Variants in DTNB observed in about 807,000 individuals in gnomAD.
The protein encoded by DTNB is dystrobrevin beta.
A neutral mutation model predicts 90.7 loss-of-function variants in DTNB; 63 were observed. The observed-to-expected ratio is 0.69, with a 90% CI of 0.57 to 0.86. DTNB has a LOEUF of 0.86. Ranked by LOEUF, DTNB falls within the 40% of genes least tolerant of loss-of-function variation. The pLI is 0.00. For missense variants in DTNB, 744 were observed against 807.1 expected (o/e 0.92, Z 0.95); for synonymous variants, 277 against 286.7 (o/e 0.97, Z 0.34).
intron 16 of DTNB, among the ~76,000 whole-genome samples, chr2:25,411,359 CAAAAA>C (rs1299386968): frequency 8.4e-6 from 1 of 119,740 alleles, no homozygotes; most frequent in Non-Finnish European, 1.8e-5. Context: ...AACTCCGTTT[CAAAAA>C]AAAAAAAGAA....
chr2:25,556,786 G>A (rs1189929948), intron 8 of DTNB, among the ~76,000 whole-genome samples: 1 of 152,130 alleles, frequency 6.6e-6, no homozygotes, highest in East Asian at 1.9e-4. Context: ...GGAAAGCTGG[G>A]AGGATGGGGA....
At chr2:25,471,193 G>A (rs1410546396) in intron 10 of DTNB, among the ~76,000 whole-genome samples, 1 of 152,170 alleles carries the variant, frequency 6.6e-6, no homozygotes. Context: ...GGCTCTATAG[G>A]TTCTCTGGCA....
At chr2:25,470,188 A>G (rs1158159934) in intron 10 of DTNB, among the ~76,000 whole-genome samples, 1 of 152,206 alleles carries the variant, frequency 6.6e-6, no homozygotes, top group Non-Finnish European at 1.5e-5. Context: ...TAGTTCTGTC[A>G]TGATGGGAGA....
chr2:25,505,013 T>C (rs748031217), intron 9 of DTNB, among the ~76,000 whole-genome samples: 8 of 152,206 alleles, frequency 5.3e-5, no homozygotes, highest in Non-Finnish European at 7.3e-5. Context: ...TCAGAGATAT[T>C]CATAAATTGC....
chr2:25,441,937 G>A (rs1458039791), intron 12 of DTNB, among the ~76,000 whole-genome samples: 4 of 152,130 alleles, frequency 2.6e-5, no homozygotes, highest in Non-Finnish European at 4.4e-5. Context: ...ATGATGACAT[G>A]CACCTTTTCA....
intron 8 of DTNB, among the ~76,000 whole-genome samples, chr2:25,540,497 G>C (rs550651343): frequency 6.6e-6 from 1 of 151,746 alleles, no homozygotes; most frequent in East Asian, 1.9e-4. Context: ...TATTATTTTA[G>C]AGACAGGGTC....
At chr2:25,556,166 C>CTT (rs2057312263) in intron 8 of DTNB, among the ~76,000 whole-genome samples, 1 of 110,902 alleles carries the variant, frequency 9.0e-6, no homozygotes, top group Admixed American at 8.7e-5. Context: ...TTTTGGCCAT[C>CTT]TCTCTTTTTT....
At chr2:25,595,393 GTTTT>G (rs1026909169) in intron 6 of DTNB, among the ~76,000 whole-genome samples, 3 of 152,116 alleles carry the variant, frequency 2.0e-5, no homozygotes, top group Admixed American at 6.5e-5. Context: ...TTAGCAAAAC[GTTTT>G]TTAATTCCTT....
At chr2:25,490,796 T>C (rs998735054) in intron 9 of DTNB, among the ~76,000 whole-genome samples, 2 of 152,168 alleles carry the variant, frequency 1.3e-5, no homozygotes, top group African/African-American at 4.8e-5. Flanking sequence ...TTGATATCTA[T>C]CAGACACTTT....
At chr2:25,458,175 T>C (rs1190804065) in intron 10 of DTNB, among the ~76,000 whole-genome samples, 2 of 152,170 alleles carry the variant, frequency 1.3e-5, no homozygotes, top group Non-Finnish European at 2.9e-5. Context: ...TGGCTGAAGA[T>C]TCATTTAATG....
chr2:25,524,676 C>T (rs766600437), intron 9 of DTNB, among the ~76,000 whole-genome samples: 1 of 152,040 alleles, frequency 6.6e-6, no homozygotes, highest in Non-Finnish European at 1.5e-5. Context: ...AGAAGAATGG[C>T]TCTGAGCTGT....
chr2:25,432,716 T>G (rs1174938725), intron 14 of DTNB, among the ~76,000 whole-genome samples, 170 bp downstream of exon 14: 1 of 152,234 alleles, frequency 6.6e-6, no homozygotes, highest in Non-Finnish European at 1.5e-5. Context: ...TGATCTCTAA[T>G]GGAACCCAGA....
At chr2:25,576,685 A>G in intron 8 of DTNB, 153 bp downstream of exon 8, 1 of 990,356 alleles carries the variant, frequency 1.0e-6, no homozygotes, top group Non-Finnish European at 1.4e-6. Context: ...GAGGAAGCAC[A>G]ACATTTTTGC....
At chr2:25,666,646 T>C (rs1160750022) in intron 1 of DTNB, among the ~76,000 whole-genome samples, 1 of 152,174 alleles carries the variant, frequency 6.6e-6, no homozygotes, top group Non-Finnish European at 1.5e-5. Flanking sequence ...GGATAAAATA[T>C]TTTTTAACAA....
At chr2:25,572,242 T>C (rs913879383) in intron 8 of DTNB, among the ~76,000 whole-genome samples, 2 of 151,996 alleles carry the variant, frequency 1.3e-5, no homozygotes, top group African/African-American at 2.4e-5. Flanking sequence ...CCGAGGCAGG[T>C]GGATCACGAG....
intron 3 of DTNB, among the ~76,000 whole-genome samples, chr2:25,638,142 T>C (rs1383237537): frequency 6.6e-6 from 1 of 152,090 alleles, no homozygotes. Flanking sequence ...TCTCACTCAC[T>C]GGTGGGAATT....
chr2:25,668,678 T>G (rs1303560563), intron 1 of DTNB, among the ~76,000 whole-genome samples: 1 of 151,620 alleles, frequency 6.6e-6, no homozygotes, highest in African/African-American at 2.4e-5. Flanking sequence ...ATATGGAAAC[T>G]CCATACTATT....
At chr2:25,561,150 C>G (rs1373421288) in intron 8 of DTNB, among the ~76,000 whole-genome samples, 1 of 152,174 alleles carries the variant, frequency 6.6e-6, no homozygotes, top group African/African-American at 2.4e-5. Context: ...ATTGAGCCTA[C>G]CATCTTTATC....
intron 8 of DTNB, among the ~76,000 whole-genome samples, chr2:25,565,611 C>CATT (rs750723869): frequency 1.5e-5 from 2 of 130,526 alleles, no homozygotes; most frequent in Non-Finnish European, 3.1e-5. Flanking sequence ...CAGTTTATTG[C>CATT]ATTTTTTTTT....
Sources: allele counts gnomAD v4.1 joint callset (sites outside exome capture counted in the v4.1 genomes callset), GRCh38; gene constraint gnomAD v4.1.1; transcripts MANE v1.5; gene names NCBI Gene and HGNC (gene_info 2026-07-23, HGNC 2026-07-21).